Variants in NDUFA9 observed in about 807,000 individuals in gnomAD.
The protein encoded by NDUFA9 is NADH:ubiquinone oxidoreductase subunit A9.
NDUFA9 carries 23 observed loss-of-function variants against 45.9 expected under a neutral mutation model. That is an observed-to-expected ratio of 0.50 (90% CI 0.36 to 0.71). The LOEUF is 0.71. NDUFA9 is among the 30% of genes least tolerant of loss of function. The pLI, the probability that NDUFA9 is intolerant of heterozygous loss-of-function variation, is 0.00. For synonymous variants in NDUFA9, 176 were observed against 170.5 expected (o/e 1.03, Z -0.25); for missense variants, 466 against 488.2 (o/e 0.95, Z 0.43).
At chr12:4,679,871 C>T (rs1049929212) in intron 8 of NDUFA9, among the ~76,000 whole-genome samples, 2 of 152,156 alleles carry the variant, frequency 1.3e-5, no homozygotes, top group Non-Finnish European at 2.9e-5. Context: ...AAAGAGATGT[C>T]ACTTCATGAC....
chr12:4,660,864 A>G, intron 5 of NDUFA9, among the ~76,000 whole-genome samples: 1 of 152,178 alleles, frequency 6.6e-6, no homozygotes, highest in African/African-American at 2.4e-5. Context: ...AGAATCCAGA[A>G]TGCGGGTGCG....
intron 1 of NDUFA9, among the ~76,000 whole-genome samples, chr12:4,652,476 T>C (rs1416641715): frequency 2.0e-5 from 3 of 152,198 alleles, no homozygotes; most frequent in African/African-American, 4.8e-5. Context: ...TCCAATAAAA[T>C]TGCTCTTATT....
intron 6 of NDUFA9, among the ~76,000 whole-genome samples, chr12:4,664,041 C>A (rs1945838980): frequency 6.6e-6 from 1 of 152,010 alleles, no homozygotes. Context: ...TTTCTAAGTA[C>A]AAAGTATTGA....
chr12:4,686,908 C>T, intron 10 of NDUFA9, 30 bp from the exon 11 acceptor site: 1 of 1,604,278 alleles, frequency 6.2e-7, no homozygotes, highest in South Asian at 1.1e-5. Context: ...CAGTTTTCAG[C>T]ATTGTCTGTG....
intron 9 of NDUFA9, among the ~76,000 whole-genome samples, chr12:4,684,161 T>A (rs895612352): frequency 2.0e-5 from 3 of 152,246 alleles, no homozygotes; most frequent in African/African-American, 7.2e-5. Context: ...TTTATTAAGC[T>A]ATGTTAGCCC....
At chr12:4,664,938 C>G (rs1417889905) in intron 6 of NDUFA9, among the ~76,000 whole-genome samples, 2 of 152,150 alleles carry the variant, frequency 1.3e-5, no homozygotes, top group Non-Finnish European at 2.9e-5. Context: ...ATAGGAATGT[C>G]TATCTTATGC....
At chr12:4,662,716 A>G in intron 6 of NDUFA9, 81 bp downstream of exon 6, 9 of 1,081,726 alleles carry the variant, frequency 8.3e-6, no homozygotes, top group South Asian at 2.7e-5. Flanking sequence ...GTTTTCTCTG[A>G]TTGACAGACT....
rs886088262 is a variant in NDUFA9 at position 4,690,193 on chromosome 12, A to G, written c.*3085A>G. On this transcript the variant is annotated 3_prime_UTR_variant, in exon 11 of 11. Coordinates refer to ENST00000266544, the MANE Select transcript of NDUFA9 (RefSeq NM_005002.5). Reference sequence around the variant, plus strand: ...AGGTTGCACATTACCTGATTCTCACAGTTGATTTGAGCCTGCAAGACTGTA... The same window carrying G: ...AGGTTGCACATTACCTGATTCTCACGGTTGATTTGAGCCTGCAAGACTGTA... 2.6e-5 allele frequency: 4 copies of G among 152,244 alleles called. No individual in the cohort carries two copies. The highest frequency in any genetic ancestry group is 9.7e-5 in the African/African-American group (4 of 41,444). 9.4% of individuals were successfully genotyped at this position (152,244 alleles called of 1,614,324 possible). A position where few individuals can be genotyped will look rare whatever the true frequency, so the allele number is the denominator to read the frequency against.
intron 6 of NDUFA9, among the ~76,000 whole-genome samples, chr12:4,662,885 C>T (rs574780022): frequency 6.6e-6 from 1 of 152,216 alleles, no homozygotes; most frequent in Admixed American, 6.5e-5. Flanking sequence ...AAGTCTTGGC[C>T]CAGCTAACTC....
Position 4,692,673 on chromosome 12 carries a change from G to A in NDUFA9, c.*5565G>A, listed in dbSNP as rs1946024479. ...CAGATGATGATGTTGTTGGCAGAGA[G>A]GGAGGGTATAACTTGTGGTGCCTAG... is the stretch of plus-strand genomic sequence containing the variant. On this transcript the variant is annotated 3_prime_UTR_variant, in exon 11 of 11. Coordinates refer to ENST00000266544, the MANE Select transcript of NDUFA9 (RefSeq NM_005002.5). 1 of 152,254 alleles carries A rather than the reference G, an allele frequency of 6.6e-6. No homozygotes were observed. The highest frequency in any genetic ancestry group is 2.4e-5 in the African/African-American group (1 of 41,448). The allele number at this position is 152,254 out of a possible 1,614,324, so 9.4% of individuals were successfully genotyped here.
At chr12:4,670,717 A>G (rs1437668388) in intron 8 of NDUFA9, among the ~76,000 whole-genome samples, 1 of 152,176 alleles carries the variant, frequency 6.6e-6, no homozygotes, top group Non-Finnish European at 1.5e-5. Flanking sequence ...TGCAAAATAT[A>G]TTTCTCCTTT....
At chr12:4,662,307 T>G (rs921969554) in intron 5 of NDUFA9, among the ~76,000 whole-genome samples, 1 of 152,200 alleles carries the variant, frequency 6.6e-6, no homozygotes, top group Non-Finnish European at 1.5e-5. Flanking sequence ...TCCCTTAAAA[T>G]AAAAAAATTG....
intron 8 of NDUFA9, 82 bp downstream of exon 8, chr12:4,669,899 T>C: frequency 1.9e-6 from 2 of 1,033,782 alleles, no homozygotes; most frequent in East Asian, 2.4e-5. Context: ...ACAGATTTAT[T>C]TGTTGCACTT....
Position 4,688,431 on chromosome 12 carries a change from G to C in NDUFA9, c.*1323G>C, listed in dbSNP as rs1034721232. 6.7e-6 allele frequency: 1 copy of C among 148,646 alleles called. No individual in the cohort carries two copies. Among genetic ancestry groups the C allele is most frequent in the African/African-American group, 2.5e-5 (1 of 40,028 alleles). The allele number at this position is 148,646 out of a possible 1,614,324, so 9.2% of individuals were successfully genotyped here. On this transcript the variant is annotated 3_prime_UTR_variant, in exon 11 of 11. Transcript: ENST00000266544. ...GCCTGGGAGTTCAAGGTTACAGTGA[G>C]CTATGATAGTGCCACTGCACTTCAG...
In NDUFA9 at chr12:4,690,093, A is replaced by G. The variant is rs943731777; in HGVS notation, c.*2985A>G. The G allele has an allele frequency of 1.3e-5, 2 of 152,270 alleles. No individual in the cohort carries two copies. The highest frequency in any genetic ancestry group is 4.8e-5 in the African/African-American group (2 of 41,460). The allele number at this position is 152,270 out of a possible 1,614,324, so 9.4% of individuals were successfully genotyped here. A position where few individuals can be genotyped will look rare whatever the true frequency, so the allele number is the denominator to read the frequency against. ...CATATCCAGGGTGATTCTCTTCATA[A>G]GGAGGCATGGGCTGAGTCTCCATTT... On this transcript the variant is annotated 3_prime_UTR_variant, in exon 11 of 11. Transcript: ENST00000266544.
At position 4,692,188 on chromosome 12, in the gene NDUFA9, A is replaced by G. The variant is rs1043272271; in HGVS notation, c.*5080A>G. The G allele has an allele frequency of 6.6e-6, 1 of 152,182 alleles. No individual in the cohort carries two copies. The highest frequency in any genetic ancestry group is 6.5e-5 in the Admixed American group (1 of 15,284). The allele number at this position is 152,182 out of a possible 1,614,324, so 9.4% of individuals were successfully genotyped here. On this transcript the variant is annotated 3_prime_UTR_variant, in exon 11 of 11. Coordinates refer to ENST00000266544, the MANE Select transcript of NDUFA9 (RefSeq NM_005002.5). ...GTCCCCACCCAAATCTCATGTTGCA[A>G]TGTAATCTCCAGTGTTGGAGTTGGG...
At chr12:4,655,073 G>A (rs761418142) in intron 3 of NDUFA9, 151 bp downstream of exon 3, 41 of 604,166 alleles carry the variant, frequency 6.8e-5, no homozygotes, top group African/African-American at 9.4e-5. Flanking sequence ...GCTAGGTTCC[G>A]GCATCTCCTT....
rs1390298662 is a variant in NDUFA9 at position 4,690,215 on chromosome 12, T to C, written c.*3107T>C. 1.3e-5 allele frequency: 2 copies of C among 152,278 alleles called. No homozygotes were observed. The highest frequency in any genetic ancestry group is 2.1e-4 in the South Asian group (1 of 4,834). The allele number at this position is 152,278 out of a possible 1,614,324, so 9.4% of individuals were successfully genotyped here. A position where few individuals can be genotyped will look rare whatever the true frequency, so the allele number is the denominator to read the frequency against. On this transcript the variant is annotated 3_prime_UTR_variant, in exon 11 of 11. Coordinates refer to ENST00000266544, the MANE Select transcript of NDUFA9 (RefSeq NM_005002.5). ...CACAGTTGATTTGAGCCTGCAAGAC[T>C]GTAAACCCATCCCATTATCATGTTT... is the stretch of plus-strand genomic sequence containing the variant.
rs919781312 is a variant in NDUFA9, at chr12:4,654,172, T to G, written c.50-120T>G. 5.4e-6 allele frequency: 5 copies of G among 926,880 alleles called. No individual in the cohort carries two copies. In the African/African-American group the frequency reaches 8.4e-5, roughly 16 times the overall value. The allele number at this position is 926,880 out of a possible 1,614,324, so 57.4% of individuals were successfully genotyped here. On this transcript the variant is annotated intron_variant, in intron 1 of 10. Coordinates refer to ENST00000266544, the MANE Select transcript of NDUFA9 (RefSeq NM_005002.5). ...TTTATTATTGCCCTTGATACTTAAA[T>G]TGCTAAAGTACTGATTGCAAAATAA...
Sources: allele counts gnomAD v4.1 joint callset (sites outside exome capture counted in the v4.1 genomes callset), GRCh38; gene constraint gnomAD v4.1.1; transcripts MANE v1.5; gene names NCBI Gene and HGNC (gene_info 2026-07-23, HGNC 2026-07-21).